KDM1A: variants seen among roughly 807,000 people sequenced by gnomAD.
KDM1A encodes lysine demethylase 1A.
KDM1A carries 49 observed loss-of-function variants against 109.4 expected under a neutral mutation model. The ratio of observed to expected loss-of-function variants is 0.45; its 90% confidence interval spans 0.36 to 0.57. The LOEUF (loss-of-function observed/expected upper bound fraction) is 0.57. Among genes scored for constraint, KDM1A ranks in the 20% least tolerant of loss-of-function variants. The pLI is 0.00. For missense variants in KDM1A, 668 were observed against 1,116.6 expected (o/e 0.60, Z 5.73); for synonymous variants, 380 against 415.4 (o/e 0.91, Z 1.04).
At chr1:23,027,519 C>T (rs1365072017) in intron 1 of KDM1A, among the ~76,000 whole-genome samples, 1 of 146,788 alleles carries the variant, frequency 6.8e-6, no homozygotes, top group Admixed American at 6.8e-5. Context: ...CCGCCCCCAC[C>T]AGGTTCAAGT....
At chr1:23,078,345 C>T (rs192337166) in intron 16 of KDM1A, among the ~76,000 whole-genome samples, 7 of 152,132 alleles carry the variant, frequency 4.6e-5, no homozygotes, top group African/African-American at 1.7e-4. Flanking sequence ...ATGTACTGAG[C>T]TTTCATATTT....
At chr1:23,065,079 T>C (rs1159615294) in intron 9 of KDM1A, among the ~76,000 whole-genome samples, 1 of 152,224 alleles carries the variant, frequency 6.6e-6, no homozygotes, top group Admixed American at 6.5e-5. Context: ...TAATCATTCG[T>C]TGAGTTTCTT....
chr1:23,045,863 C>T (rs1321879628), intron 3 of KDM1A, among the ~76,000 whole-genome samples: 4 of 152,102 alleles, frequency 2.6e-5, no homozygotes, highest in African/African-American at 9.7e-5. Context: ...ATCTTTGTCA[C>T]GTTCAGAAGC....
chr1:23,079,551 A>T lies in KDM1A; in HGVS notation c.2056-2A>T. On this transcript the variant is annotated splice_acceptor_variant, in intron 17 of 20. Transcript: ENST00000400181. LOFTEE classifies it high-confidence loss of function. This position sits in a 1 kb window ranked among gnomAD's most constrained non-coding sequence, Gnocchi z 5.6. Reference sequence around the variant, plus strand: ...GGCTCATGTGCTTCTTTCTTATGGTAGGTGGTGTTGTGTTTTGATCGGGTG... The same window carrying T: ...GGCTCATGTGCTTCTTTCTTATGGTTGGTGGTGTTGTGTTTTGATCGGGTG... 1 of 1,611,120 alleles carries T rather than the reference A, an allele frequency of 6.2e-7. No individual in the cohort carries two copies. The highest frequency in any genetic ancestry group is 8.5e-7 in the Non-Finnish European group (1 of 1,178,170).
At chr1:23,041,396 C>A (rs1642326633) in intron 2 of KDM1A, among the ~76,000 whole-genome samples, 1 of 147,170 alleles carries the variant, frequency 6.8e-6, no homozygotes, top group Non-Finnish European at 1.5e-5. Flanking sequence ...TTTCTTTCTA[C>A]TCCTCTGCTT....
chr1:23,074,716 G>C (rs1345452730), intron 15 of KDM1A, among the ~76,000 whole-genome samples: 1 of 152,138 alleles, frequency 6.6e-6, no homozygotes, highest in African/African-American at 2.4e-5. Flanking sequence ...ACTCCATTTT[G>C]TGTTAATTTT....
At chr1:23,027,859 C>T (rs1307407407) in intron 1 of KDM1A, among the ~76,000 whole-genome samples, 1 of 151,808 alleles carries the variant, frequency 6.6e-6, no homozygotes, top group African/African-American at 2.4e-5. Flanking sequence ...TTGGTTGTCT[C>T]TAAAGGATTA....
At chr1:23,020,204 T>C (rs1258204150) in intron 1 of KDM1A, 3 of 383,546 alleles carry the variant, frequency 7.8e-6, no homozygotes, top group South Asian at 8.5e-5. Flanking sequence ...GGGAGGGGTA[T>C]TTTATTCCTT....
intron 1 of KDM1A, among the ~76,000 whole-genome samples, chr1:23,028,293 G>A (rs1641872995): frequency 6.6e-6 from 1 of 152,272 alleles, no homozygotes; most frequent in Non-Finnish European, 1.5e-5. Context: ...GCCTCCCAAA[G>A]TGCTGGGATT....
intron 12 of KDM1A, among the ~76,000 whole-genome samples, chr1:23,069,369 A>G (rs976127613): frequency 2.8e-4 from 42 of 152,280 alleles, no homozygotes; most frequent in African/African-American, 9.1e-4. Context: ...GAGGAAATAG[A>G]TCTTTCCTCT....
chr1:23,082,810 T>C (rs962997034), intron 20 of KDM1A: 4 of 208,648 alleles, frequency 1.9e-5, no homozygotes, highest in Middle Eastern at 1.9e-3. Flanking sequence ...AGCCCAGACC[T>C]GCTGAGCTGC....
chr1:23,057,515 G>A lies in KDM1A; in HGVS notation c.1022G>A (p.Arg341His). Residue 341 changes from arginine (R) to histidine (H), a missense_variant, in exon 8 of 21, where the codon CGC becomes CAC. Physicochemically the swap from Arg to His is conservative, Grantham distance 29 (BLOSUM62 0). This residue lies in a region of KDM1A where 53 missense variants were observed against 122.5 expected (regional missense o/e 0.43). Coordinates refer to ENST00000400181, the MANE Select transcript of KDM1A (RefSeq NM_001009999.3). Reference sequence around the variant, plus strand: ...GTGGGTGGACGAGTTGCCACATTTCGCAAAGGAAACTATGTAGCTGATCTT... The same window carrying A: ...GTGGGTGGACGAGTTGCCACATTTCACAAAGGAAACTATGTAGCTGATCTT... Reference protein sequence around the residue: ...DRVGGRVATFRKGNYVADLGA... With the variant: ...DRVGGRVATFHKGNYVADLGA... The A allele has an allele frequency of 2.5e-6, 4 of 1,613,848 alleles. No individual in the cohort carries two copies. The highest frequency in any genetic ancestry group is 3.3e-5 in the Admixed American group (2 of 59,984).
At chr1:23,025,424 G>T (rs897781134) in intron 1 of KDM1A, among the ~76,000 whole-genome samples, 1 of 151,094 alleles carries the variant, frequency 6.6e-6, no homozygotes, top group Admixed American at 6.6e-5. Context: ...TCCACCTCCC[G>T]GGTTCAAGCA....
chr1:23,029,680 C>T (rs1002271142), intron 1 of KDM1A, among the ~76,000 whole-genome samples: 3 of 152,018 alleles, frequency 2.0e-5, no homozygotes, highest in Non-Finnish European at 4.4e-5. Flanking sequence ...CACTCTGTTG[C>T]CCAGGCTGCA....
At chr1:23,045,907 A>C (rs1452063041) in intron 3 of KDM1A, among the ~76,000 whole-genome samples, 1 of 152,148 alleles carries the variant, frequency 6.6e-6, no homozygotes, top group Non-Finnish European at 1.5e-5. Context: ...AGGGTTAGAA[A>C]TGTGCTTGTA....
rs537536023 is a variant in KDM1A at position 23,075,492 on chromosome 1, A to C, written c.1735-1736A>C. Among the ~76,000 whole-genome samples the C allele has an allele frequency of 5.9e-4, 89 of 151,980 alleles. No homozygotes were observed. In the East Asian group the frequency reaches 8.9e-3, roughly 15 times the overall value. Reference sequence around the variant, plus strand: ...AGGCTGAGGCACGAGAATTGCCTGAACCCAGGAGGCAGAGGCTGCAGTGAG... The same window carrying C: ...AGGCTGAGGCACGAGAATTGCCTGACCCCAGGAGGCAGAGGCTGCAGTGAG... On this transcript the variant is annotated intron_variant, in intron 15 of 20. Coordinates refer to ENST00000400181, the MANE Select transcript of KDM1A (RefSeq NM_001009999.3).
intron 10 of KDM1A, among the ~76,000 whole-genome samples, chr1:23,068,252 C>A (rs1422236796): frequency 2.0e-5 from 3 of 152,178 alleles, no homozygotes. Context: ...CTCCATGTGA[C>A]TTCAGTTAGC....
Position 23,079,516 on chromosome 1 carries a change from C to A in KDM1A, c.2056-37C>A. 6.7e-7 allele frequency: 1 copy of A among 1,489,344 alleles called. No homozygotes were observed. The highest frequency in any genetic ancestry group is 1.2e-5 in the South Asian group (1 of 86,232). The allele number at this position is 1,489,344 out of a possible 1,614,324, so 92.3% of individuals were successfully genotyped here. A position where few individuals can be genotyped will look rare whatever the true frequency, so the allele number is the denominator to read the frequency against. ...TCTGTTGAAGCCAGTATTATCTGGC[C>A]CCTGTCACTGGCTCATGTGCTTCTT... is the stretch of plus-strand genomic sequence containing the variant. On this transcript the variant is annotated intron_variant, in intron 17 of 20. Coordinates refer to ENST00000400181, the MANE Select transcript of KDM1A (RefSeq NM_001009999.3). The surrounding 1 kb of genome is among the most constrained non-coding windows in gnomAD (Gnocchi z 5.6).
chr1:23,066,049 C>T lies in KDM1A; in HGVS notation c.1168-11C>T. On this transcript the variant is annotated splice_polypyrimidine_tract_variant and intron_variant, in intron 9 of 20. Coordinates refer to ENST00000400181, the MANE Select transcript of KDM1A (RefSeq NM_001009999.3). ...ACAGTTTATTTCTCTCTCTGCTGCACTGGTTAAAAGGACACTGTCAAGGTA... is the reference window on the plus strand; with the variant it reads ...ACAGTTTATTTCTCTCTCTGCTGCATTGGTTAAAAGGACACTGTCAAGGTA... 6.2e-7 allele frequency: 1 copy of T among 1,610,144 alleles called. No homozygotes were observed. The highest frequency in any genetic ancestry group is 8.5e-7 in the Non-Finnish European group (1 of 1,177,296).
Sources: gnomAD v4.1 joint callset for allele counts (sites outside exome capture counted in the v4.1 genomes callset) on GRCh38, gnomAD v4.1.1 for gene constraint, gnomAD v4.1.1 regional missense constraint, Gnocchi (gnomAD v3.1) non-coding constraint, MANE v1.5 for transcripts, NCBI Gene and HGNC (gene_info 2026-07-23, HGNC 2026-07-21) for gene names.